Variants in TXNDC5 observed in about 807,000 individuals in gnomAD.
TXNDC5 encodes the protein thioredoxin domain-containing protein 5.
A neutral mutation model predicts 52.6 loss-of-function variants in TXNDC5; 44 were observed. The observed-to-expected ratio is 0.84, with a 90% confidence interval of 0.66 to 1.08. The LOEUF is 1.08. Among genes scored for constraint, TXNDC5 ranks in the 50% least tolerant of loss-of-function variants. TXNDC5 has a pLI of 0.00. For synonymous variants in TXNDC5, 241 were observed against 234.4 expected (o/e 1.03, Z -0.26); for missense variants, 600 against 565.5 (o/e 1.06, Z -0.62).
chr6:7,906,446 G>A (rs950405654), intron 1 of TXNDC5, among the ~76,000 whole-genome samples: 2 of 142,740 alleles, frequency 1.4e-5, no homozygotes, highest in Non-Finnish European at 3.0e-5. Flanking sequence ...TGAGGCAGGA[G>A]AATCGCTTGA....
chr6:7,909,093 A>C (rs1177127040), intron 1 of TXNDC5, among the ~76,000 whole-genome samples: 1 of 152,230 alleles, frequency 6.6e-6, no homozygotes, highest in East Asian at 1.9e-4. Flanking sequence ...ATTGTTAATA[A>C]ACCCACAGTG....
rs1210109889 is a variant in TXNDC5, at chr6:7,885,546, C to G, written c.1046+415G>C. On this transcript the variant is annotated intron_variant, in intron 8 of 9. Coordinates refer to ENST00000379757, the MANE Select transcript of TXNDC5 (RefSeq NM_030810.5). Reference sequence around the variant, plus strand: ...TACTGGATTTCTCTACAAAAGAAATCCGAGTACTTAAAAGAACCGAGGAGC... The same window carrying G: ...TACTGGATTTCTCTACAAAAGAAATGCGAGTACTTAAAAGAACCGAGGAGC... Among the ~76,000 whole-genome samples the G allele has an allele frequency of 2.6e-5, 4 of 152,130 alleles. No individual in the cohort carries two copies. In the East Asian group the frequency reaches 7.7e-4, roughly 29 times the overall value.
At chr6:7,905,942 C>CA (rs1394388415) in intron 1 of TXNDC5, among the ~76,000 whole-genome samples, 1 of 152,182 alleles carries the variant, frequency 6.6e-6, no homozygotes, top group Non-Finnish European at 1.5e-5. Flanking sequence ...CAGATTACCT[C>CA]AAAAATAAGC....
In TXNDC5 at chr6:7,907,201, G is replaced by C. The variant is rs544610006; in HGVS notation, c.264-2478C>G. Among the ~76,000 whole-genome samples, 4 of 146,428 alleles carry C rather than the reference G, an allele frequency of 2.7e-5. No individual in the cohort carries two copies. The South Asian group carries it at 8.5e-4, about 31-fold the overall frequency. ...TTGAGAAAACACAAGATTAGATTAAGAATGAGAATAAACAATAAATAAGTT... is the reference window on the plus strand; with the variant it reads ...TTGAGAAAACACAAGATTAGATTAACAATGAGAATAAACAATAAATAAGTT... On this transcript the variant is annotated intron_variant, in intron 1 of 9. Coordinates refer to ENST00000379757, the MANE Select transcript of TXNDC5 (RefSeq NM_030810.5).
intron 4 of TXNDC5, among the ~76,000 whole-genome samples, chr6:7,893,082 C>A (rs1468936730): frequency 6.6e-6 from 1 of 152,208 alleles, no homozygotes; most frequent in East Asian, 1.9e-4. Context: ...TGAAACATCA[C>A]CCCCTTGGCT....
chr6:7,897,021 G>A (rs1760392150), intron 3 of TXNDC5, among the ~76,000 whole-genome samples: 1 of 152,162 alleles, frequency 6.6e-6, no homozygotes, highest in Middle Eastern at 3.4e-3. Context: ...AAAGAAGGGG[G>A]GGTGGAAAGT....
At chr6:7,893,063 T>C (rs917343506) in intron 4 of TXNDC5, among the ~76,000 whole-genome samples, 2 of 152,186 alleles carry the variant, frequency 1.3e-5, no homozygotes, top group Non-Finnish European at 2.9e-5. Flanking sequence ...TAAAAAAAAG[T>C]TTAAAAAATG....
chr6:7,892,868 C>A (rs1001684505), intron 4 of TXNDC5, among the ~76,000 whole-genome samples: 4 of 152,190 alleles, frequency 2.6e-5, no homozygotes, highest in Non-Finnish European at 5.9e-5. Context: ...CGGACTAATA[C>A]AAGTGGTTTC....
Position 7,888,828 on chromosome 6 carries a change from C to CT in TXNDC5, c.839dup (p.Arg281AlafsTer36), listed in dbSNP as rs1760093910. 6.2e-7 allele frequency: 1 copy of CT among 1,613,446 alleles called. No homozygotes were observed. The highest frequency in any genetic ancestry group is 8.5e-7 in the Non-Finnish European group (1 of 1,179,684). ...ACTCCCTCAGTGACTCCAAATCCCG[C>CT]TTTCCCTTGTACTGATCCACCTGGC... On this transcript the variant is annotated frameshift_variant, in exon 7 of 10. Coordinates refer to ENST00000379757, the MANE Select transcript of TXNDC5 (RefSeq NM_030810.5). LOFTEE classifies it high-confidence loss of function.
At chr6:7,886,947 G>A (rs1242653697) in intron 7 of TXNDC5, among the ~76,000 whole-genome samples, 1 of 152,142 alleles carries the variant, frequency 6.6e-6, no homozygotes, top group African/African-American at 2.4e-5. Context: ...GTGGAAAACT[G>A]CATTATAAAT....
At chr6:7,892,277 C>A (rs1353490564) in intron 4 of TXNDC5, among the ~76,000 whole-genome samples, 4 of 152,356 alleles carry the variant, frequency 2.6e-5, no homozygotes, top group African/African-American at 9.6e-5. Flanking sequence ...CCAGACCCAA[C>A]TACCAATTTC....
intron 2 of TXNDC5, among the ~76,000 whole-genome samples, chr6:7,901,819 A>G (rs1285253185): frequency 1.3e-5 from 2 of 152,258 alleles, no homozygotes; most frequent in African/African-American, 2.4e-5. Context: ...GGCAAACAGC[A>G]TGATGAAAGT....
chr6:7,891,855 C>T, intron 4 of TXNDC5, 119 bp from the exon 5 acceptor site: 1 of 683,182 alleles, frequency 1.5e-6, no homozygotes, highest in East Asian at 2.8e-5. Context: ...CTTAGTTCGG[C>T]ATGAGCACTT....
chr6:7,910,275 C>T (rs538444114), intron 1 of TXNDC5, among the ~76,000 whole-genome samples: 2,283 of 150,786 alleles, frequency 0.015, 49 homozygotes, highest in African/African-American at 0.052. Flanking sequence ...GCGCCCGCGC[C>T]CCCCGCTCCC....
chr6:7,884,809 AGGAACAG>A (rs1197729564), intron 8 of TXNDC5, among the ~76,000 whole-genome samples: 3 of 152,266 alleles, frequency 2.0e-5, no homozygotes, highest in Non-Finnish European at 4.4e-5. Flanking sequence ...ACAGGAGCAG[AGGAACAG>A]GGAACAGGGC....
chr6:7,889,231 C>T (rs1172095763), intron 6 of TXNDC5: 19 of 474,560 alleles, frequency 4.0e-5, no homozygotes, highest in Non-Finnish European at 6.8e-5. Flanking sequence ...TTTGTGTTTA[C>T]AACCAGAGCA....
rs1759821223 is a variant in TXNDC5 at position 7,883,004 on chromosome 6, C to A, written c.*140G>T. 2.6e-6 allele frequency: 3 copies of A among 1,142,706 alleles called. No homozygotes were observed. The Admixed American group carries it at 7.8e-5, about 30-fold the overall frequency. 70.8% of individuals were successfully genotyped at this position (1,142,706 alleles called of 1,614,324 possible). ...AGAGTGTGTTGGCTTGGAAAACACACACACAAAGAAGATACCTCACGCTTA... is the reference window on the plus strand; with the variant it reads ...AGAGTGTGTTGGCTTGGAAAACACAAACACAAAGAAGATACCTCACGCTTA... On this transcript the variant is annotated 3_prime_UTR_variant, in exon 10 of 10. Transcript: ENST00000379757.
Position 7,899,170 on chromosome 6 carries a change from T to C in TXNDC5, c.519+406A>G, listed in dbSNP as rs983885042. ...GTCAGTCTCTGATGCTGGGGTACAG[T>C]TGTGAACTGTATTACCTGTGACAGT... On this transcript the variant is annotated intron_variant, in intron 3 of 9. Transcript: ENST00000379757. 2.0e-5 allele frequency among the ~76,000 whole-genome samples: 3 copies of C among 152,024 alleles called. 1 individual carries two copies. Among genetic ancestry groups the C allele is most frequent in the Admixed American group, 1.3e-4 (2 of 15,264 alleles).
intron 2 of TXNDC5, among the ~76,000 whole-genome samples, chr6:7,903,645 T>G (rs1443761211): frequency 6.6e-6 from 1 of 152,242 alleles, no homozygotes; most frequent in Non-Finnish European, 1.5e-5. Flanking sequence ...TCCAATTTTT[T>G]GCTTTATTGA....
Sources: allele counts gnomAD v4.1 joint callset (sites outside exome capture counted in the v4.1 genomes callset), GRCh38; gene constraint gnomAD v4.1.1; transcripts MANE v1.5; gene names NCBI Gene and HGNC (gene_info 2026-07-23, HGNC 2026-07-21).